The following VWC2L variants were observed in gnomAD, a reference collection of about 807,000 sequenced individuals.
The protein encoded by VWC2L is von Willebrand factor C domain-containing protein 2-like.
A neutral mutation model predicts 21.6 loss-of-function variants in VWC2L; 10 were observed. The observed-to-expected ratio is 0.46, with a 90% CI of 0.29 to 0.78. VWC2L has a LOEUF of 0.78. Among genes scored for constraint, VWC2L ranks in the 30% least tolerant of loss-of-function variants. The pLI is 0.10. For synonymous variants in VWC2L, 96 were observed against 94.3 expected, an observed-to-expected ratio of 1.02 and a Z score of -0.10; for missense variants, 209 against 277.1, an observed-to-expected ratio of 0.75 and a Z score of 1.74.
intron 3 of VWC2L, among the ~76,000 whole-genome samples, chr2:214,452,607 C>T (rs965304632): frequency 1.3e-5 from 2 of 151,986 alleles, no homozygotes; most frequent in African/African-American, 2.4e-5. Context: ...TTGAATATGC[C>T]TAGGAGTGGA....
intron 3 of VWC2L, among the ~76,000 whole-genome samples, chr2:214,563,722 C>T (rs1211015044): frequency 6.6e-6 from 1 of 152,010 alleles, no homozygotes; most frequent in East Asian, 1.9e-4. Context: ...GACAAACCCA[C>T]AGCCAATATT....
At chr2:214,542,638 T>G (rs796258977) in intron 3 of VWC2L, among the ~76,000 whole-genome samples, 43 of 152,352 alleles carry the variant, frequency 2.8e-4, no homozygotes, top group African/African-American at 1.0e-3. Flanking sequence ...TGAAAATTGC[T>G]GCAGGCAGCG....
intron 3 of VWC2L, among the ~76,000 whole-genome samples, chr2:214,542,031 G>A (rs939379858): frequency 6.6e-6 from 1 of 151,966 alleles, no homozygotes; most frequent in Non-Finnish European, 1.5e-5. Context: ...CGTGGATGAG[G>A]TCATTCATTA....
Position 214,503,028 on chromosome 2 carries a change from T to C in VWC2L, c.520+66270T>C, listed in dbSNP as rs146378363. Among the ~76,000 whole-genome samples the C allele has an allele frequency of 8.3e-3, 1,258 of 152,298 alleles. 10 individuals carry two copies. The highest frequency in any genetic ancestry group is 0.024 in the Middle Eastern group (7 of 294). Reference sequence around the variant, plus strand: ...AAGCTGAGAACCAATATCTTCCCCATTTTTGCCTTTGCTAGTATTGGGAAG... The same window carrying C: ...AAGCTGAGAACCAATATCTTCCCCACTTTTGCCTTTGCTAGTATTGGGAAG... On this transcript the variant is annotated intron_variant, in intron 3 of 3. Coordinates refer to ENST00000312504, the MANE Select transcript of VWC2L (RefSeq NM_001080500.4).
At chr2:214,569,823 G>A (rs1186207068) in intron 3 of VWC2L, among the ~76,000 whole-genome samples, 1 of 151,998 alleles carries the variant, frequency 6.6e-6, no homozygotes, top group African/African-American at 2.4e-5. Context: ...CTTACTTCAG[G>A]TTATATATTT....
chr2:214,540,454 AT>A (rs1689608396), intron 3 of VWC2L, among the ~76,000 whole-genome samples: 2 of 152,126 alleles, frequency 1.3e-5, no homozygotes, highest in South Asian at 4.1e-4. Flanking sequence ...CCACTGTGCA[AT>A]GCTGCTTGAA....
At chr2:214,564,783 A>G (rs1387484928) in intron 3 of VWC2L, among the ~76,000 whole-genome samples, 1 of 152,190 alleles carries the variant, frequency 6.6e-6, no homozygotes, top group Non-Finnish European at 1.5e-5. Flanking sequence ...CTTTATTTTT[A>G]TGCCCCAAAC....
chr2:214,529,569 A>C (rs544034708), intron 3 of VWC2L, among the ~76,000 whole-genome samples: 10 of 152,174 alleles, frequency 6.6e-5, no homozygotes, highest in Non-Finnish European at 1.5e-4. Context: ...AGGCACTGGA[A>C]ACCATGGAGG....
chr2:214,490,772 A>AAG (rs1267279267), intron 3 of VWC2L, among the ~76,000 whole-genome samples: 4 of 152,224 alleles, frequency 2.6e-5, no homozygotes, highest in Non-Finnish European at 5.9e-5. Flanking sequence ...GCTTAGGAGG[A>AAG]AGAGAGAGGT....
At chr2:214,571,370 T>C (rs1371764767) in intron 3 of VWC2L, among the ~76,000 whole-genome samples, 11 of 152,204 alleles carry the variant, frequency 7.2e-5, no homozygotes. Flanking sequence ...GATAAGAACA[T>C]GCACTTTTTA....
intron 2 of VWC2L, chr2:214,436,303 G>C (rs1702678092): frequency 4.6e-6 from 1 of 218,536 alleles, no homozygotes; most frequent in African/African-American, 2.2e-5. Context: ...GAGGAGGTCA[G>C]AGCAATCAGT....
intron 3 of VWC2L, among the ~76,000 whole-genome samples, chr2:214,521,238 A>G (rs879685186): frequency 1.0e-3 from 19 of 18,310 alleles, no homozygotes; most frequent in South Asian, 6.2e-3. Flanking sequence ...CTCAAAGATA[A>G]ATAAATAAAT....
At chr2:214,517,189 C>T (rs745622242) in intron 3 of VWC2L, among the ~76,000 whole-genome samples, 1 of 152,234 alleles carries the variant, frequency 6.6e-6, no homozygotes, top group Non-Finnish European at 1.5e-5. Flanking sequence ...TTAATTAACA[C>T]CTCCTCCTTA....
chr2:214,568,569 G>A (rs1372230884), intron 3 of VWC2L, among the ~76,000 whole-genome samples: 1 of 152,130 alleles, frequency 6.6e-6, no homozygotes, highest in African/African-American at 2.4e-5. Context: ...CATTTTACAT[G>A]GCAGCCAGCA....
chr2:214,554,368 G>C (rs1689842287), intron 3 of VWC2L, among the ~76,000 whole-genome samples: 1 of 151,892 alleles, frequency 6.6e-6, no homozygotes, highest in African/African-American at 2.4e-5. Context: ...GCCGTGATGA[G>C]AAAGACAGGT....
intron 3 of VWC2L, among the ~76,000 whole-genome samples, chr2:214,486,084 T>TG (rs1443437754): frequency 6.6e-6 from 1 of 152,196 alleles, no homozygotes; most frequent in African/African-American, 2.4e-5. Flanking sequence ...CTGTGTATGT[T>TG]TGTGTGTGTA....
At chr2:214,484,965 A>G (rs6760280) in intron 3 of VWC2L, among the ~76,000 whole-genome samples, 56,626 of 151,990 alleles carry the variant, frequency 0.37, 12,200 homozygotes, top group South Asian at 0.58. Flanking sequence ...TCATCATGAA[A>G]ATTATTAAGG....
intron 3 of VWC2L, among the ~76,000 whole-genome samples, chr2:214,445,834 C>A (rs1379192633): frequency 6.6e-6 from 1 of 151,872 alleles, no homozygotes; most frequent in African/African-American, 2.4e-5. Context: ...ATAGCATGTT[C>A]CTTATGAGAA....
intron 3 of VWC2L, among the ~76,000 whole-genome samples, chr2:214,447,030 T>G (rs1273077525): frequency 1.3e-5 from 2 of 152,108 alleles, no homozygotes; most frequent in Admixed American, 1.3e-4. Context: ...TATTCCTGAT[T>G]TCTAGGATTG....
Sources: gnomAD v4.1 joint callset for allele counts (sites outside exome capture counted in the v4.1 genomes callset) on GRCh38, gnomAD v4.1.1 for gene constraint, MANE v1.5 for transcripts, NCBI Gene and HGNC (gene_info 2026-07-23, HGNC 2026-07-21) for gene names.